The following SLC45A4 variants were observed in gnomAD, a reference collection of about 807,000 sequenced individuals.
SLC45A4 encodes the protein solute carrier family 45 member 4.
SLC45A4 carries 32 observed loss-of-function variants against 63.7 expected under a neutral mutation model. That is an observed-to-expected ratio of 0.50 (90% confidence interval 0.38 to 0.67). The LOEUF (loss-of-function observed/expected upper bound fraction) is 0.67, where lower values mean the gene tolerates loss of function less well. SLC45A4 is among the 30% of genes least tolerant of loss of function. The pLI is 0.00. For synonymous variants in SLC45A4, 535 were observed against 510.0 expected, an observed-to-expected ratio of 1.05 and a Z score of -0.66; for missense variants, 1,027 against 1,157.7, an observed-to-expected ratio of 0.89 and a Z score of 1.64.
At position 141,234,380 on chromosome 8, in the gene SLC45A4, G is replaced by A. The variant is rs1048593323; in HGVS notation, c.242-12615C>T. Among the ~76,000 whole-genome samples, 18 of 152,316 alleles carry A rather than the reference G, an allele frequency of 1.2e-4. No individual in the cohort carries two copies. The East Asian group carries it at 2.3e-3, about 20-fold the overall frequency. On this transcript the variant is annotated intron_variant, in intron 2 of 8. Transcript: ENST00000517878. The stretch of plus-strand genomic sequence containing the variant: ...GGCTCTTCCCAGGACTGAAGGGTGC[G>A]GGGTGGGCTTCCTGGCCAGTGTGGA...
chr8:141,218,689 C>G lies in SLC45A4; in HGVS notation c.951G>C (p.Ala317=). ...ACAGCAGCTCGGGCTCCAGGTCCAG[C>G]GCGGTGTCCGGCACGTGCAATGCCG... ...SDSALHVPDT[A]LDLEPELLFL... Residue 317 remains alanine (A), a synonymous_variant, in exon 5 of 9, where the codon GCG becomes GCC. Transcript: ENST00000517878. 7 of 1,612,730 alleles carry G rather than the reference C, an allele frequency of 4.3e-6. No individual in the cohort carries two copies. The highest frequency in any genetic ancestry group is 1.1e-5 in the South Asian group (1 of 91,052).
At chr8:141,299,762 C>T (rs1197698987) in intron 1 of SLC45A4, among the ~76,000 whole-genome samples, 1 of 152,248 alleles carries the variant, frequency 6.6e-6, no homozygotes, top group Non-Finnish European at 1.5e-5. Context: ...CTGGACTCTG[C>T]TGTACCTGTT....
At chr8:141,220,715 C>T (rs77717612) in intron 3 of SLC45A4, among the ~76,000 whole-genome samples, 2,195 of 152,328 alleles carry the variant, frequency 0.014, 29 homozygotes, top group African/African-American at 0.033. Flanking sequence ...CACGGGCAGG[C>T]GACGGCTCCG....
In SLC45A4 at chr8:141,278,419, G is replaced by C. The variant is rs1293831715; in HGVS notation, c.-400-23790C>G. 1 of 150,716 alleles carries C rather than the reference G, an allele frequency of 6.6e-6. No homozygotes were observed. Among genetic ancestry groups the C allele is most frequent in the Non-Finnish European group, 1.5e-5 (1 of 68,532 alleles). The allele number at this position is 150,716 out of a possible 1,614,324, so 9.3% of individuals were successfully genotyped here. A position where few individuals can be genotyped will look rare whatever the true frequency, so the allele number is the denominator to read the frequency against. On this transcript the variant is annotated intron_variant, in intron 1 of 8. Coordinates refer to ENST00000517878, the MANE Select transcript of SLC45A4 (RefSeq NM_001286646.2). This position sits in a 1 kb window ranked among gnomAD's most constrained non-coding sequence, Gnocchi z 4.1. Reference sequence around the variant, plus strand: ...CACCTGCGGTGGAAGCGGGGCGGGCGGCCGACCCACGAGGACACTGGCGGG... The same window carrying C: ...CACCTGCGGTGGAAGCGGGGCGGGCCGCCGACCCACGAGGACACTGGCGGG...
At chr8:141,290,218 C>T (rs761569253) in intron 1 of SLC45A4, among the ~76,000 whole-genome samples, 4 of 151,860 alleles carry the variant, frequency 2.6e-5, no homozygotes, top group African/African-American at 9.7e-5. Context: ...TTTTTAAGTG[C>T]GTGGTGCACA....
intron 2 of SLC45A4, among the ~76,000 whole-genome samples, chr8:141,237,116 G>A (rs754377010): frequency 6.6e-6 from 1 of 152,068 alleles, no homozygotes; most frequent in Non-Finnish European, 1.5e-5. Flanking sequence ...TAGTAAGTTT[G>A]GAAATTGCCA....
At chr8:141,301,609 G>C (rs1589868960) in intron 1 of SLC45A4, among the ~76,000 whole-genome samples, 1 of 151,452 alleles carries the variant, frequency 6.6e-6, no homozygotes, top group African/African-American at 2.4e-5. Context: ...AAATTAGCTG[G>C]GCATAAGCCC....
intron 2 of SLC45A4, chr8:141,228,672 G>A (rs750865579): frequency 2.5e-5 from 25 of 991,280 alleles, no homozygotes; most frequent in South Asian, 3.9e-5. Context: ...ATAAACAACC[G>A]TATGGCCTTT....
At position 141,254,599 on chromosome 8, in the gene SLC45A4, G is replaced by A. The variant is rs1015733269; in HGVS notation, c.-370C>T. On this transcript the variant is annotated 5_prime_UTR_variant, in exon 2 of 9. Coordinates refer to ENST00000517878, the MANE Select transcript of SLC45A4 (RefSeq NM_001286646.2). This position sits in a 1 kb window ranked among gnomAD's most constrained non-coding sequence, Gnocchi z 4.5. Reference sequence around the variant, plus strand: ...GGAAGGTGATACAAACAGGTGGTCCGCTGGTAATCCCCATCGAGTGACTGG... The same window carrying A: ...GGAAGGTGATACAAACAGGTGGTCCACTGGTAATCCCCATCGAGTGACTGG... 5.0e-5 allele frequency: 35 copies of A among 701,736 alleles called. No homozygotes were observed. Among genetic ancestry groups the A allele is most frequent in the African/African-American group, 2.1e-4 (12 of 57,338 alleles). 43.5% of individuals were successfully genotyped at this position (701,736 alleles called of 1,614,324 possible).
At chr8:141,269,876 C>T (rs1209328504) in intron 1 of SLC45A4, among the ~76,000 whole-genome samples, 2 of 152,124 alleles carry the variant, frequency 1.3e-5, no homozygotes, top group African/African-American at 2.4e-5. Flanking sequence ...CAGGAATGAG[C>T]GGACACCGTA....
chr8:141,238,019 T>G (rs1827716044), intron 2 of SLC45A4, among the ~76,000 whole-genome samples: 1 of 152,230 alleles, frequency 6.6e-6, no homozygotes, highest in Non-Finnish European at 1.5e-5. Flanking sequence ...ACAAGAAGTT[T>G]CTCAACTATT....
chr8:141,283,019 G>A (rs1285158954), intron 1 of SLC45A4, among the ~76,000 whole-genome samples: 1 of 152,266 alleles, frequency 6.6e-6, no homozygotes, highest in Admixed American at 6.5e-5. Flanking sequence ...CAGTGCCAGA[G>A]GCCAGCAGAA....
At chr8:141,230,059 T>C in intron 2 of SLC45A4, 1 of 456,190 alleles carries the variant, frequency 2.2e-6, no homozygotes, top group South Asian at 1.5e-5. Context: ...GATAAGAAAG[T>C]TCTCTGCAAG....
At chr8:141,261,665 AG>A (rs1449682426) in intron 1 of SLC45A4, among the ~76,000 whole-genome samples, 10 of 152,166 alleles carry the variant, frequency 6.6e-5, no homozygotes, top group Non-Finnish European at 2.9e-5. Context: ...CCAACTTACA[AG>A]GGATGTGAAG....
chr8:141,215,748 G>A lies in SLC45A4; in HGVS notation c.1941+11C>T, dbSNP rs367740638. Reference sequence around the variant, plus strand: ...GCTGGAGCGCAGATCTCAGGGCTACGGTGGACGCACCTGCTTGATGTCATG... The same window carrying A: ...GCTGGAGCGCAGATCTCAGGGCTACAGTGGACGCACCTGCTTGATGTCATG... On this transcript the variant is annotated intron_variant, in intron 7 of 8. Coordinates refer to ENST00000517878, the MANE Select transcript of SLC45A4 (RefSeq NM_001286646.2). The surrounding 1 kb of genome is among the most constrained non-coding windows in gnomAD (Gnocchi z 4.3). 9 of 1,611,824 alleles carry A rather than the reference G, an allele frequency of 5.6e-6. No homozygotes were observed. The highest frequency in any genetic ancestry group is 3.3e-5 in the Admixed American group (2 of 60,000).
intron 2 of SLC45A4, among the ~76,000 whole-genome samples, chr8:141,253,702 C>A (rs1828632947): frequency 2.0e-5 from 3 of 152,212 alleles, no homozygotes; most frequent in Non-Finnish European, 4.4e-5. Context: ...TGAGCCCCGG[C>A]CGAGAGCCAG....
intron 1 of SLC45A4, among the ~76,000 whole-genome samples, chr8:141,289,209 A>T (rs896141661): frequency 2.0e-5 from 3 of 151,892 alleles, no homozygotes; most frequent in Non-Finnish European, 4.4e-5. Context: ...ATGGCGGGGG[A>T]GTGCACACTG....
At position 141,285,922 on chromosome 8, in the gene SLC45A4, G is replaced by A. The variant is rs910315835; in HGVS notation, c.-401+22174C>T. On this transcript the variant is annotated intron_variant, in intron 1 of 8. Coordinates refer to ENST00000517878, the MANE Select transcript of SLC45A4 (RefSeq NM_001286646.2). Reference sequence around the variant, plus strand: ...GTGGTGCTTCTCACAACAGAACAGGGCCGGGCACCTCCTTGACACTGTTCC... The same window carrying A: ...GTGGTGCTTCTCACAACAGAACAGGACCGGGCACCTCCTTGACACTGTTCC... Among the ~76,000 whole-genome samples, 5 of 152,340 alleles carry A rather than the reference G, an allele frequency of 3.3e-5. No individual in the cohort carries two copies. The South Asian group carries it at 1.0e-3, about 32-fold the overall frequency.
rs74603206 is a variant in SLC45A4 at position 141,273,486 on chromosome 8, C to T, written c.-400-18857G>A. ...GAGTCGCGGTTACTTTAGGAGCAAA[C>T]GCAGGTACAAACAAACTGAGTCTGT... On this transcript the variant is annotated intron_variant, in intron 1 of 8. Transcript: ENST00000517878. Among the ~76,000 whole-genome samples the T allele has an allele frequency of 1.6e-4, 25 of 152,200 alleles. No homozygotes were observed. The East Asian group carries it at 4.2e-3, about 26-fold the overall frequency.
Sources: allele counts gnomAD v4.1 joint callset (sites outside exome capture counted in the v4.1 genomes callset), GRCh38; gene constraint gnomAD v4.1.1; non-coding constraint Gnocchi (gnomAD v3.1); transcripts MANE v1.5; gene names NCBI Gene and HGNC (gene_info 2026-07-23, HGNC 2026-07-21).